The following CHST11 variants were observed in gnomAD, a reference collection of about 807,000 sequenced individuals.
CHST11 encodes C4S-1.
In CHST11, 9 loss-of-function variants were observed where a neutral mutation model predicts 30.4. The ratio of observed to expected loss-of-function variants is 0.30; its 90% CI spans 0.18 to 0.52. The LOEUF (loss-of-function observed/expected upper bound fraction) is 0.52, where lower values mean the gene tolerates loss of function less well. CHST11 is among the 20% of genes least tolerant of loss of function. The pLI is 0.97. For synonymous variants in CHST11, 152 were observed against 187.8 expected, an observed-to-expected ratio of 0.81 and a Z score of 1.56; for missense variants, 348 against 460.6, an observed-to-expected ratio of 0.76 and a Z score of 2.24.
At chr12:104,673,930 C>T (rs775858744) in intron 2 of CHST11, among the ~76,000 whole-genome samples, 10 of 152,198 alleles carry the variant, frequency 6.6e-5, no homozygotes, top group Admixed American at 1.3e-4. Flanking sequence ...TCTCCACAGA[C>T]GTTGGTGGCA....
At chr12:104,503,981 C>T (rs2037877542) in intron 1 of CHST11, among the ~76,000 whole-genome samples, 1 of 152,184 alleles carries the variant, frequency 6.6e-6, no homozygotes, top group Non-Finnish European at 1.5e-5. Flanking sequence ...GCTCAGAAAG[C>T]TGGTGAAATG....
intron 2 of CHST11, among the ~76,000 whole-genome samples, chr12:104,697,457 G>A (rs187485667): frequency 6.6e-6 from 1 of 152,282 alleles, no homozygotes; most frequent in Non-Finnish European, 1.5e-5. Context: ...CTGGGACGTC[G>A]GAGCTCCTGG....
At chr12:104,569,288 T>C (rs1464831367) in intron 1 of CHST11, among the ~76,000 whole-genome samples, 1 of 152,228 alleles carries the variant, frequency 6.6e-6, no homozygotes, top group East Asian at 1.9e-4. Context: ...TCTTAGTTAC[T>C]AGAGCTCAGT....
chr12:104,656,550 C>A (rs1211316565), intron 2 of CHST11, among the ~76,000 whole-genome samples: 1 of 152,208 alleles, frequency 6.6e-6, no homozygotes, highest in African/African-American at 2.4e-5. Flanking sequence ...GCTGGCAGAG[C>A]TCAGCGTGCA....
chr12:104,575,794 C>T (rs1340988138), intron 1 of CHST11, among the ~76,000 whole-genome samples: 3 of 152,010 alleles, frequency 2.0e-5, no homozygotes, highest in Non-Finnish European at 4.4e-5. Flanking sequence ...TCAGAAGGGC[C>T]CGTCCTGCCC....
At chr12:104,748,040 G>A (rs2040402265) in intron 2 of CHST11, among the ~76,000 whole-genome samples, 1 of 152,130 alleles carries the variant, frequency 6.6e-6, no homozygotes, top group Non-Finnish European at 1.5e-5. Flanking sequence ...ACATCTAAAC[G>A]AGAATGCAGG....
At chr12:104,710,292 A>G (rs2040075663) in intron 2 of CHST11, among the ~76,000 whole-genome samples, 1 of 152,210 alleles carries the variant, frequency 6.6e-6, no homozygotes, top group African/African-American at 2.4e-5. Flanking sequence ...GGAGAAAGGG[A>G]AAAGATGCAC....
At position 104,555,872 on chromosome 12, in the gene CHST11, C is replaced by T. The variant is rs1553839; in HGVS notation, c.119-46034C>T. The stretch of plus-strand genomic sequence containing the variant: ...AGCCGCACAAAGGCAGCCCTGGGGG[C>T]GTCCAGCCCCTGCTGCTCTCCGGGC... On this transcript the variant is annotated intron_variant, in intron 1 of 2. Transcript: ENST00000303694. Among the ~76,000 whole-genome samples the T allele has an allele frequency of 3.9e-5, 6 of 152,134 alleles. No homozygotes were observed. The South Asian group carries it at 6.2e-4, about 16-fold the overall frequency.
intron 1 of CHST11, among the ~76,000 whole-genome samples, chr12:104,553,777 G>A (rs1329054107): frequency 6.6e-6 from 1 of 152,192 alleles, no homozygotes; most frequent in African/African-American, 2.4e-5. Context: ...GGGACACAGA[G>A]CCAAACCATA....
At chr12:104,683,722 G>A (rs1435486226) in intron 2 of CHST11, among the ~76,000 whole-genome samples, 2 of 152,160 alleles carry the variant, frequency 1.3e-5, no homozygotes, top group African/African-American at 4.8e-5. Context: ...CATTTGAATT[G>A]TATCAATTGT....
chr12:104,679,433 C>T (rs1321199221), intron 2 of CHST11, among the ~76,000 whole-genome samples: 2 of 152,146 alleles, frequency 1.3e-5, no homozygotes, highest in Non-Finnish European at 2.9e-5. Context: ...GCGTCCTGCT[C>T]CATATCCCCC....
chr12:104,669,562 C>T (rs1028414840), intron 2 of CHST11, among the ~76,000 whole-genome samples: 16 of 152,166 alleles, frequency 1.1e-4, no homozygotes, highest in African/African-American at 3.9e-4. Context: ...CTCCCTGCTC[C>T]AGGCCTACAT....
intron 1 of CHST11, among the ~76,000 whole-genome samples, chr12:104,577,631 T>C (rs919744371): frequency 6.6e-6 from 1 of 152,194 alleles, no homozygotes; most frequent in Non-Finnish European, 1.5e-5. Flanking sequence ...ATGAGTTCAT[T>C]GTCTGGTCAA....
intron 2 of CHST11, among the ~76,000 whole-genome samples, chr12:104,628,945 A>T (rs914720360): frequency 1.3e-5 from 2 of 152,190 alleles, no homozygotes; most frequent in Non-Finnish European, 2.9e-5. Flanking sequence ...CTTTGTGCCT[A>T]ATGTACTACA....
chr12:104,696,482 CAAAAAAAAAAAAA>C (rs10602668), intron 2 of CHST11, among the ~76,000 whole-genome samples: 1 of 69,140 alleles, frequency 1.4e-5, no homozygotes, highest in African/African-American at 6.2e-5. Flanking sequence ...GCTAAAAATA[CAAAAAAAAAAAAA>C]AAAAAAAAAA....
chr12:104,596,672 T>G (rs1329423683), intron 1 of CHST11, among the ~76,000 whole-genome samples: 1 of 152,196 alleles, frequency 6.6e-6, no homozygotes, highest in Non-Finnish European at 1.5e-5. Context: ...ATGATATCAT[T>G]ATTACATCTA....
chr12:104,603,114 C>G (rs909274278), intron 2 of CHST11, among the ~76,000 whole-genome samples: 1 of 152,090 alleles, frequency 6.6e-6, no homozygotes. Context: ...GGTGGTGACT[C>G]AGTGGGGAAT....
At chr12:104,627,997 A>G (rs950623356) in intron 2 of CHST11, among the ~76,000 whole-genome samples, 1 of 152,222 alleles carries the variant, frequency 6.6e-6, no homozygotes, top group Non-Finnish European at 1.5e-5. Context: ...CCAAGGCCCA[A>G]AGAAGTTAAT....
intron 1 of CHST11, among the ~76,000 whole-genome samples, chr12:104,558,406 G>A (rs763657473): frequency 6.6e-6 from 1 of 152,244 alleles, no homozygotes; most frequent in East Asian, 1.9e-4. Context: ...TTCTCTGAAT[G>A]ATGTTCATCT....
Sources: allele counts gnomAD v4.1 joint callset (sites outside exome capture counted in the v4.1 genomes callset), GRCh38; gene constraint gnomAD v4.1.1; transcripts MANE v1.5; gene names NCBI Gene and HGNC (gene_info 2026-07-23, HGNC 2026-07-21).